GRM5: variants seen among roughly 807,000 people sequenced by gnomAD.
GRM5 encodes metabotropic glutamate receptor 5.
GRM5 carries 19 observed loss-of-function variants against 83.1 expected under a neutral mutation model. The observed-to-expected ratio is 0.23, with a 90% confidence interval of 0.16 to 0.34. The LOEUF is 0.34. Among genes scored for constraint, GRM5 ranks in the 10% least tolerant of loss-of-function variants. GRM5 has a pLI of 1.00. For missense variants in GRM5, 1,160 were observed against 1,588.3 expected (o/e 0.73, Z 4.58); for synonymous variants, 675 against 633.6 (o/e 1.07, Z -0.98).
intron 2 of GRM5, among the ~76,000 whole-genome samples, chr11:88,941,820 A>G (rs532183244): frequency 1.3e-5 from 2 of 152,148 alleles, no homozygotes; most frequent in South Asian, 4.1e-4. Context: ...GAGACATACA[A>G]CATCACCAAT....
intron 6 of GRM5, among the ~76,000 whole-genome samples, chr11:88,591,138 T>C (rs1322782365): frequency 6.6e-6 from 1 of 152,234 alleles, no homozygotes; most frequent in East Asian, 1.9e-4. Context: ...CCTCCATTAG[T>C]TGAATAATTG....
chr11:88,573,597 T>C (rs1427356940), intron 7 of GRM5, among the ~76,000 whole-genome samples: 1 of 152,128 alleles, frequency 6.6e-6, no homozygotes, highest in Non-Finnish European at 1.5e-5. Flanking sequence ...TCATTTCAGG[T>C]ATACAATGAG....
intron 3 of GRM5, among the ~76,000 whole-genome samples, chr11:88,768,722 G>A (rs563298800): frequency 4.6e-5 from 7 of 151,928 alleles, no homozygotes; most frequent in Admixed American, 6.6e-5. Flanking sequence ...TGGGGAGAGA[G>A]ATGGGATGAC....
intron 4 of GRM5, among the ~76,000 whole-genome samples, chr11:88,614,352 G>A (rs1326549504): frequency 6.6e-6 from 1 of 152,084 alleles, no homozygotes; most frequent in East Asian, 1.9e-4. Flanking sequence ...ACAGAGCCTG[G>A]CACAAGATGC....
chr11:89,032,866 C>T (rs1276091145), intron 2 of GRM5, among the ~76,000 whole-genome samples: 1 of 152,012 alleles, frequency 6.6e-6, no homozygotes, highest in African/African-American at 2.4e-5. Context: ...AGATCTGAAA[C>T]TTAATGAATA....
intron 3 of GRM5, among the ~76,000 whole-genome samples, chr11:88,749,955 A>T (rs968501210): frequency 6.6e-6 from 1 of 152,184 alleles, no homozygotes; most frequent in Non-Finnish European, 1.5e-5. Context: ...TATGGAAAGG[A>T]AAAACCGTTG....
At position 88,649,551 on chromosome 11, in the gene GRM5, G is replaced by T. The variant is rs562898154; in HGVS notation, c.1147+3617C>A. Among the ~76,000 whole-genome samples, 133 of 145,726 alleles carry T rather than the reference G, an allele frequency of 9.1e-4. 6 individuals carry two copies. In the South Asian group the frequency reaches 0.028, roughly 31 times the overall value. Reference sequence around the variant, plus strand: ...GAAATTTTATTTGCTAATTTTATTTGCTATATTGACACCGGGGAAACACAT... The same window carrying T: ...GAAATTTTATTTGCTAATTTTATTTTCTATATTGACACCGGGGAAACACAT... On this transcript the variant is annotated intron_variant, in intron 4 of 9. Coordinates refer to ENST00000305447, the MANE Select transcript of GRM5 (RefSeq NM_001143831.3).
intron 2 of GRM5, among the ~76,000 whole-genome samples, chr11:88,869,377 T>G (rs1450286971): frequency 6.6e-6 from 1 of 151,092 alleles, no homozygotes; most frequent in East Asian, 1.9e-4. Context: ...TAAAAACTCA[T>G]TATTATTGAT....
chr11:89,005,831 T>G (rs899613418), intron 2 of GRM5, among the ~76,000 whole-genome samples: 23 of 152,314 alleles, frequency 1.5e-4, no homozygotes, highest in African/African-American at 5.3e-4. Context: ...TTAATTTAAA[T>G]TTTGTTGCTC....
intron 4 of GRM5, among the ~76,000 whole-genome samples, chr11:88,625,996 T>G (rs1363569456): frequency 6.6e-6 from 1 of 150,590 alleles, no homozygotes; most frequent in South Asian, 2.1e-4. Context: ...GTCACACATA[T>G]AGAGCAGGTC....
Position 89,036,124 on chromosome 11 carries a change from T to C in GRM5, c.661+11088A>G, listed in dbSNP as rs149258832. ...ATCTTTAATCCCCTCTAGTTTCATCTCCTACACCCACTCACATCAAAGATA... is the reference window on the plus strand; with the variant it reads ...ATCTTTAATCCCCTCTAGTTTCATCCCCTACACCCACTCACATCAAAGATA... On this transcript the variant is annotated intron_variant, in intron 2 of 9. Transcript: ENST00000305447. 4.4e-3 allele frequency among the ~76,000 whole-genome samples: 669 copies of C among 152,168 alleles called. 6 individuals carry two copies. The highest frequency in any genetic ancestry group is 0.015 in the African/African-American group (623 of 41,538).
At position 88,892,073 on chromosome 11, in the gene GRM5, T is replaced by C. The variant is rs188633613; in HGVS notation, c.662-41918A>G. Among the ~76,000 whole-genome samples, 38 of 152,090 alleles carry C rather than the reference T, an allele frequency of 2.5e-4. No homozygotes were observed. The East Asian group carries it at 7.0e-3, about 28-fold the overall frequency. On this transcript the variant is annotated intron_variant, in intron 2 of 9. Transcript: ENST00000305447. ...CGGAGCAGGTTTGTTTCTCTGTACC[T>C]GGTTCCTCTAGAATTTGGAAACCAT...
chr11:89,054,464 T>C (rs1261732410), intron 1 of GRM5, among the ~76,000 whole-genome samples: 2 of 152,150 alleles, frequency 1.3e-5, no homozygotes, highest in Non-Finnish European at 2.9e-5. Flanking sequence ...GAAGAGATCA[T>C]TGAATGAGCA....
intron 3 of GRM5, among the ~76,000 whole-genome samples, chr11:88,670,551 A>AAGAT (rs10679199): frequency 0.99 from 150,987 of 151,982 alleles, 75,009 homozygotes; most frequent in East Asian, 1. Context: ...GATAGGCAAA[A>AAGAT]AGTCTGAAAA....
Position 88,508,278 on chromosome 11 carries a change from C to T in GRM5, c.*314G>A, listed in dbSNP as rs201836430. ...CCTCCGTTACGCTGTTTCACACGCACTGCTTCCCTAGAGCAAAGCACTTGG... is the reference window on the plus strand; with the variant it reads ...CCTCCGTTACGCTGTTTCACACGCATTGCTTCCCTAGAGCAAAGCACTTGG... On this transcript the variant is annotated 3_prime_UTR_variant, in exon 10 of 10. Transcript: ENST00000305447. The surrounding 1 kb of genome is among the most constrained non-coding windows in gnomAD (Gnocchi z 4.2). 43 of 227,354 alleles carry T rather than the reference C, an allele frequency of 1.9e-4. No homozygotes were observed. Among genetic ancestry groups the T allele is most frequent in the Non-Finnish European group, 3.1e-4 (36 of 117,974 alleles). 14.1% of individuals were successfully genotyped at this position (227,354 alleles called of 1,614,324 possible).
At chr11:88,530,868 CTGA>C (rs1941991073) in intron 8 of GRM5, among the ~76,000 whole-genome samples, 2 of 151,976 alleles carry the variant, frequency 1.3e-5, no homozygotes, top group Admixed American at 1.3e-4. Context: ...TTATGTGAGG[CTGA>C]TCAAGTTTGA....
rs555074370 is a variant in GRM5 at position 88,857,520 on chromosome 11, T to C, written c.662-7365A>G. ...ACAGGGTTGTGGCTTAAACTAGTGA[T>C]TAACCAAAATGGCCAGGAGTGGGAA... On this transcript the variant is annotated intron_variant, in intron 2 of 9. Transcript: ENST00000305447. 1.2e-4 allele frequency among the ~76,000 whole-genome samples: 19 copies of C among 152,138 alleles called. No homozygotes were observed. The South Asian group carries it at 3.7e-3, about 30-fold the overall frequency.
At chr11:88,932,714 A>T in intron 2 of GRM5, among the ~76,000 whole-genome samples, 1 of 130,592 alleles carries the variant, frequency 7.7e-6, no homozygotes, top group Non-Finnish European at 1.6e-5. Flanking sequence ...TATGAATAAG[A>T]AGGGGTTCTG....
intron 2 of GRM5, among the ~76,000 whole-genome samples, chr11:88,947,159 A>T (rs1370060649): frequency 6.6e-6 from 1 of 152,180 alleles, no homozygotes; most frequent in African/African-American, 2.4e-5. Flanking sequence ...GAAAAAAAAG[A>T]TTCCCTTTTA....
Sources: gnomAD v4.1 joint callset for allele counts (sites outside exome capture counted in the v4.1 genomes callset) on GRCh38, gnomAD v4.1.1 for gene constraint, Gnocchi (gnomAD v3.1) non-coding constraint, MANE v1.5 for transcripts, NCBI Gene and HGNC (gene_info 2026-07-23, HGNC 2026-07-21) for gene names.